The following PCDHA1 variants were observed in gnomAD, a reference collection of about 807,000 sequenced individuals.
The protein encoded by PCDHA1 is protocadherin alpha-1.
PCDHA1 carries 42 observed loss-of-function variants against 61.3 expected under a neutral mutation model. The ratio of observed to expected loss-of-function variants is 0.69; its 90% CI spans 0.54 to 0.89. The LOEUF is 0.89. Ranked by LOEUF, PCDHA1 falls within the 40% of genes least tolerant of loss-of-function variation. PCDHA1 has a pLI of 0.00. For synonymous variants in PCDHA1, 610 were observed against 553.8 expected (o/e 1.10, Z -1.43); for missense variants, 1,256 against 1,235.3 (o/e 1.02, Z -0.25).
intron 1 of PCDHA1, among the ~76,000 whole-genome samples, chr5:140,821,121 T>A (rs944818649): frequency 6.6e-6 from 1 of 152,124 alleles, no homozygotes; most frequent in Admixed American, 6.5e-5. Context: ...ACAGTGAAAT[T>A]GGAATAAAAA....
intron 3 of PCDHA1, among the ~76,000 whole-genome samples, chr5:140,986,398 G>A (rs973049448): frequency 7.2e-5 from 11 of 152,174 alleles, no homozygotes; most frequent in African/African-American, 2.4e-4. Flanking sequence ...AGGGCCAGTC[G>A]CTCATGTTAC....
intron 1 of PCDHA1, chr5:140,857,485 G>T (rs1554150101): frequency 6.3e-7 from 1 of 1,598,484 alleles, no homozygotes; most frequent in Admixed American, 1.7e-5. Context: ...TGTCTGCGTG[G>T]GACGCGGACG....
intron 1 of PCDHA1, chr5:140,927,842 T>A (rs201721848): frequency 1.9e-6 from 3 of 1,614,140 alleles, no homozygotes; most frequent in Admixed American, 1.7e-5. Context: ...GACGAAGGTG[T>A]CTTTGGTTTA....
intron 3 of PCDHA1, among the ~76,000 whole-genome samples, chr5:140,985,081 G>C (rs1028077723): frequency 1.3e-5 from 2 of 152,088 alleles, no homozygotes; most frequent in African/African-American, 4.8e-5. Flanking sequence ...GAGACTACAG[G>C]CGTGTGCCAC....
chr5:140,897,415 A>G (rs2066090522), intron 1 of PCDHA1, among the ~76,000 whole-genome samples: 1 of 138,406 alleles, frequency 7.2e-6, no homozygotes, highest in South Asian at 2.3e-4. Context: ...TTCAATTCCC[A>G]TCTATGAGTG....
chr5:140,795,136 G>C (rs377636774), intron 1 of PCDHA1: 30 of 1,613,970 alleles, frequency 1.9e-5, no homozygotes, highest in Non-Finnish European at 2.4e-5. Flanking sequence ...GGAGCTGGAG[G>C]AGCTGGTGCC....
At chr5:140,828,799 T>A in intron 1 of PCDHA1, 1 of 1,614,228 alleles carries the variant, frequency 6.2e-7, no homozygotes, top group Non-Finnish European at 8.5e-7. Flanking sequence ...TGGATGTGAA[T>A]GATAATGCTC....
Position 140,883,339 on chromosome 5 carries a change from C to A in PCDHA1, c.2394+94655C>A, listed in dbSNP as rs142984869. 95 of 1,614,172 alleles carry A rather than the reference C, an allele frequency of 5.9e-5. No individual in the cohort carries two copies. The African/African-American group carries it at 1.1e-3, about 19-fold the overall frequency. ...AGGTTACCATCACTTCTTTGTCACTCCCCATCAGAGAAGACACTCAGCCTA... is the reference window on the plus strand; with the variant it reads ...AGGTTACCATCACTTCTTTGTCACTACCCATCAGAGAAGACACTCAGCCTA... On this transcript the variant is annotated intron_variant, in intron 1 of 3. Coordinates refer to ENST00000504120, the MANE Select transcript of PCDHA1 (RefSeq NM_018900.4).
intron 1 of PCDHA1, among the ~76,000 whole-genome samples, chr5:140,937,096 G>A (rs1173485186): frequency 6.8e-6 from 1 of 146,810 alleles, no homozygotes; most frequent in Non-Finnish European, 1.5e-5. Context: ...GGAGTGCAGT[G>A]GCGCAGTCTC....
intron 3 of PCDHA1, among the ~76,000 whole-genome samples, chr5:141,005,506 A>G (rs1462164149): frequency 1.3e-5 from 2 of 151,786 alleles, no homozygotes; most frequent in East Asian, 3.9e-4. Flanking sequence ...GATCGAGACC[A>G]TCCTGGCTAA....
intron 1 of PCDHA1, among the ~76,000 whole-genome samples, chr5:140,833,911 A>T (rs1554134000): frequency 6.6e-6 from 1 of 152,184 alleles, no homozygotes; most frequent in African/African-American, 2.4e-5. Flanking sequence ...TTAAACTTGC[A>T]GTTGTTTAAA....
Position 140,968,579 on chromosome 5 carries a change from A to G in PCDHA1, c.2395-10370A>G, listed in dbSNP as rs1554230883. On this transcript the variant is annotated intron_variant, in intron 1 of 3. Coordinates refer to ENST00000504120, the MANE Select transcript of PCDHA1 (RefSeq NM_018900.4). ...AACTGCCCCTGCTGGCTACCTGGTCACCAAAGTCATAGCTATGGACTCAGA... is the reference window on the plus strand; with the variant it reads ...AACTGCCCCTGCTGGCTACCTGGTCGCCAAAGTCATAGCTATGGACTCAGA... 6 of 1,614,182 alleles carry G rather than the reference A, an allele frequency of 3.7e-6. No homozygotes were observed. The highest frequency in any genetic ancestry group is 5.1e-6 in the Non-Finnish European group (6 of 1,180,042).
chr5:140,828,251 C>T (rs1278959274), intron 1 of PCDHA1: 6 of 1,614,002 alleles, frequency 3.7e-6, no homozygotes, highest in Non-Finnish European at 5.1e-6. Context: ...GGACCTGGGG[C>T]TGGAGCTGGC....
intron 1 of PCDHA1, chr5:140,856,365 A>C: frequency 3.1e-6 from 5 of 1,598,426 alleles, no homozygotes; most frequent in Non-Finnish European, 2.6e-6. Flanking sequence ...ATCCACCTGG[A>C]GGTGATCGTG....
At chr5:140,964,417 C>T (rs1279243450) in intron 1 of PCDHA1, among the ~76,000 whole-genome samples, 15 of 152,088 alleles carry the variant, frequency 9.9e-5, no homozygotes, top group Admixed American at 9.8e-4. Context: ...TGGGGGCTTC[C>T]ATTAAAAAAT....
intron 1 of PCDHA1, chr5:140,927,418 C>A: frequency 6.2e-7 from 1 of 1,614,106 alleles, no homozygotes; most frequent in Non-Finnish European, 8.5e-7. Flanking sequence ...CATGGGATCG[C>A]GGGTTGACGG....
chr5:140,796,484 A>C (rs1554119942), intron 1 of PCDHA1: 1 of 1,612,232 alleles, frequency 6.2e-7, no homozygotes, highest in African/African-American at 1.3e-5. Flanking sequence ...TTGTCGAGCT[A>C]CGTTTCGGTG....
intron 1 of PCDHA1, among the ~76,000 whole-genome samples, chr5:140,881,790 G>T (rs2058832674): frequency 6.6e-6 from 1 of 152,164 alleles, no homozygotes; most frequent in Non-Finnish European, 1.5e-5. Context: ...CCGATCAATT[G>T]TCCCAAAACG....
At chr5:140,843,626 C>G (rs1779006743) in intron 1 of PCDHA1, 2 of 1,596,058 alleles carry the variant, frequency 1.3e-6, no homozygotes, top group East Asian at 4.5e-5. Context: ...GAAGACGGAC[C>G]TCATGGCCTT....
Sources: gnomAD v4.1 joint callset for allele counts (sites outside exome capture counted in the v4.1 genomes callset) on GRCh38, gnomAD v4.1.1 for gene constraint, MANE v1.5 for transcripts, NCBI Gene and HGNC (gene_info 2026-07-23, HGNC 2026-07-21) for gene names.